The following NAALADL2 variants were observed in gnomAD, a reference collection of about 807,000 sequenced individuals.
The protein encoded by NAALADL2 is N-acetylated alpha-linked acidic dipeptidase like 2.
NAALADL2 carries 76 observed loss-of-function variants against 87.2 expected under a neutral mutation model. The observed-to-expected ratio is 0.87, with a 90% CI of 0.72 to 1.05. NAALADL2 has a LOEUF of 1.05. NAALADL2 is among the 50% of genes least tolerant of loss of function. NAALADL2 has a pLI of 0.00. For synonymous variants in NAALADL2, 354 were observed against 331.0 expected, an observed-to-expected ratio of 1.07 and a Z score of -0.75; for missense variants, 1,089 against 945.8, an observed-to-expected ratio of 1.15 and a Z score of -1.99.
intron 13 of NAALADL2, among the ~76,000 whole-genome samples, chr3:175,797,606 G>T (rs1293521641): frequency 6.6e-6 from 1 of 152,046 alleles, no homozygotes; most frequent in East Asian, 1.9e-4. Context: ...CCAGACATGT[G>T]CCTTTTGACT....
intron 2 of NAALADL2, among the ~76,000 whole-genome samples, chr3:174,571,996 T>G (rs532515923): frequency 6.6e-6 from 1 of 152,222 alleles, no homozygotes; most frequent in South Asian, 2.1e-4. Flanking sequence ...GCTACCCTGT[T>G]CTTTTTATGA....
At chr3:175,120,954 T>C (rs977953054) in intron 2 of NAALADL2, among the ~76,000 whole-genome samples, 3 of 151,866 alleles carry the variant, frequency 2.0e-5, no homozygotes, top group Non-Finnish European at 2.9e-5. Context: ...AAGCTATATA[T>C]TGATTCATTG....
chr3:175,223,912 T>C (rs1743781319), intron 2 of NAALADL2, among the ~76,000 whole-genome samples: 2 of 152,192 alleles, frequency 1.3e-5, no homozygotes, highest in Non-Finnish European at 1.5e-5. Flanking sequence ...GGACTTTACA[T>C]ATGTTCTAAA....
At chr3:175,117,807 T>A (rs9870593) in intron 2 of NAALADL2, among the ~76,000 whole-genome samples, 2 of 151,822 alleles carry the variant, frequency 1.3e-5, no homozygotes, top group Non-Finnish European at 2.9e-5. Flanking sequence ...CTATAAGACA[T>A]GTGCACACGT....
upstream of NAALADL2, among the ~76,000 whole-genome samples, chr3:174,856,384 T>C: frequency 6.6e-6 from 1 of 152,146 alleles, no homozygotes; most frequent in East Asian, 1.9e-4. Context: ...ATGATCATCG[T>C]GGTCCAAAAA....
In NAALADL2 at chr3:175,366,887, T is replaced by G. The variant is rs536412792; in HGVS notation, c.1090+42562T>G. Among the ~76,000 whole-genome samples the G allele has an allele frequency of 1.3e-4, 20 of 151,908 alleles. 1 individual carries two copies. The highest frequency in any genetic ancestry group is 4.2e-4 in the South Asian group (2 of 4,818). On this transcript the variant is annotated intron_variant, in intron 5 of 13. Transcript: ENST00000454872. ...AATTAGATCCCATTTGTCAATTTTG[T>G]CTTTTGTTGCCATTGCTTTTGGTGT...
intron 3 of NAALADL2, among the ~76,000 whole-genome samples, chr3:174,823,254 G>A (rs1361639426): frequency 6.8e-6 from 1 of 146,524 alleles, no homozygotes; most frequent in South Asian, 2.2e-4. Context: ...TTTTTTTCTT[G>A]TAAAGACAGA....
chr3:175,604,765 G>A (rs1723459847), intron 10 of NAALADL2, among the ~76,000 whole-genome samples: 1 of 152,112 alleles, frequency 6.6e-6, no homozygotes, highest in Non-Finnish European at 1.5e-5. Flanking sequence ...ATGAATCAGT[G>A]AAAATTAAAA....
intron 11 of NAALADL2, among the ~76,000 whole-genome samples, chr3:175,703,459 T>G (rs1739253463): frequency 6.6e-6 from 1 of 152,138 alleles, no homozygotes; most frequent in South Asian, 2.1e-4. Flanking sequence ...TTAATCTAAG[T>G]TGGCCGGGCA....
chr3:175,364,895 C>T lies in NAALADL2; in HGVS notation c.1090+40570C>T, dbSNP rs1223752262. ...TATCTTGGAAGAAGAGTCAAACTGA[C>T]ATTTTTTGACAAATATGTTTTACTT... On this transcript the variant is annotated intron_variant, in intron 5 of 13. Transcript: ENST00000454872. 1.4e-5 allele frequency among the ~76,000 whole-genome samples: 2 copies of T among 147,354 alleles called. 1 individual carries two copies. The highest frequency in any genetic ancestry group is 3.0e-5 in the Non-Finnish European group (2 of 66,298).
At chr3:174,456,551 A>T (rs1715850828) in intron 1 of NAALADL2, among the ~76,000 whole-genome samples, 1 of 152,128 alleles carries the variant, frequency 6.6e-6, no homozygotes, top group South Asian at 2.1e-4. Context: ...ATAGCCCAGA[A>T]ATAAGGCCAC....
At chr3:175,071,224 G>A (rs1056513401) in intron 1 of NAALADL2, among the ~76,000 whole-genome samples, 11 of 152,106 alleles carry the variant, frequency 7.2e-5, no homozygotes, top group African/African-American at 2.7e-4. Context: ...CACAAAGCGT[G>A]TCTGACTTGT....
intron 2 of NAALADL2, among the ~76,000 whole-genome samples, chr3:175,217,126 T>C (rs1161492231): frequency 6.6e-6 from 1 of 152,228 alleles, no homozygotes; most frequent in Admixed American, 6.5e-5. Context: ...GGCAACATAA[T>C]TGAATTAATG....
intron 2 of NAALADL2, among the ~76,000 whole-genome samples, chr3:175,128,216 A>C (rs970287333): frequency 6.6e-6 from 1 of 152,202 alleles, no homozygotes; most frequent in Non-Finnish European, 1.5e-5. Context: ...GCTATTAACT[A>C]TATTTTATTT....
In NAALADL2 at chr3:174,787,313, C is replaced by T. The variant is rs150734235; in HGVS notation, c.-9+49567C>T. Reference sequence around the variant, plus strand: ...TGCCCAAGACTGCATAAATGCATCTCATTTTGTTTACATTTGTAGACTTTG... The same window carrying T: ...TGCCCAAGACTGCATAAATGCATCTTATTTTGTTTACATTTGTAGACTTTG... On this transcript the variant is annotated intron_variant, in intron 3 of 3. Coordinates refer to the NAALADL2 transcript ENST00000434257. Among the ~76,000 whole-genome samples the T allele has an allele frequency of 9.2e-3, 1,397 of 151,402 alleles. 13 individuals are homozygous for T. Among genetic ancestry groups the T allele is most frequent in the Middle Eastern group, 0.034 (10 of 290 alleles).
chr3:175,467,212 T>A (rs1201112921), intron 8 of NAALADL2, 28 bp downstream of exon 8: 1 of 1,568,084 alleles, frequency 6.4e-7, no homozygotes, highest in East Asian at 2.3e-5. Context: ...TTAATTACAG[T>A]GCTTTTCTTT....
At chr3:175,153,986 G>A (rs1731935345) in intron 2 of NAALADL2, among the ~76,000 whole-genome samples, 1 of 151,926 alleles carries the variant, frequency 6.6e-6, no homozygotes, top group South Asian at 2.1e-4. Context: ...AAACATATGG[G>A]GATTTAAAAA....
At chr3:175,726,098 A>T (rs1001561941) in intron 11 of NAALADL2, among the ~76,000 whole-genome samples, 5 of 152,136 alleles carry the variant, frequency 3.3e-5, no homozygotes, top group Non-Finnish European at 7.4e-5. Flanking sequence ...CAAATATATT[A>T]CAAAGTCAAA....
At position 175,488,918 on chromosome 3, in the gene NAALADL2, C is replaced by T. The variant is rs146817570; in HGVS notation, c.1653+17160C>T. ...AAAAGCCAATCTGAATAGCTGGTGA[C>T]AGTGGTTATTGGCATGAGCATGAAA... is the stretch of plus-strand genomic sequence containing the variant. On this transcript the variant is annotated intron_variant, in intron 9 of 13. Transcript: ENST00000454872. Among the ~76,000 whole-genome samples the T allele has an allele frequency of 4.6e-5, 7 of 152,264 alleles. No individual in the cohort carries two copies. The East Asian group carries it at 1.4e-3, about 29-fold the overall frequency.
Sources: allele counts gnomAD v4.1 joint callset (sites outside exome capture counted in the v4.1 genomes callset), GRCh38; gene constraint gnomAD v4.1.1; transcripts MANE v1.5; gene names NCBI Gene and HGNC (gene_info 2026-07-23, HGNC 2026-07-21).